MMP20: variants seen among roughly 807,000 people sequenced by gnomAD.
The protein encoded by MMP20 is matrix metallopeptidase 20, also known as matrix metalloproteinase-20.
MMP20 carries 50 observed loss-of-function variants against 51.8 expected under a neutral mutation model. That is an observed-to-expected ratio of 0.97 (90% confidence interval 0.77 to 1.22). MMP20 has a LOEUF of 1.22. MMP20 is among the 50% of genes most tolerant of loss of function. MMP20 has a pLI of 0.00. For synonymous variants in MMP20, 244 were observed against 216.2 expected (o/e 1.13, Z -1.13); for missense variants, 663 against 601.4 (o/e 1.10, Z -1.07).
chr11:102,606,740 T>C, intron 5 of MMP20, 64 bp from the exon 6 acceptor site: 1 of 1,585,616 alleles, frequency 6.3e-7, no homozygotes, highest in Non-Finnish European at 8.7e-7. Flanking sequence ...ACTTCTGCTC[T>C]AGAGCCCCAG....
intron 6 of MMP20, among the ~76,000 whole-genome samples, chr11:102,601,825 T>C (rs1859449382): frequency 6.6e-6 from 1 of 152,198 alleles, no homozygotes; most frequent in Non-Finnish European, 1.5e-5. Flanking sequence ...TTTCCATTGT[T>C]CTTCTCACCA....
intron 8 of MMP20, among the ~76,000 whole-genome samples, chr11:102,589,477 G>A (rs1859292088): frequency 6.6e-6 from 1 of 151,976 alleles, no homozygotes; most frequent in South Asian, 2.1e-4. Context: ...ATCTGTTGAG[G>A]GCATTAATAA....
At chr11:102,589,839 C>A (rs1859297245) in intron 8 of MMP20, among the ~76,000 whole-genome samples, 2 of 152,106 alleles carry the variant, frequency 1.3e-5, no homozygotes, top group African/African-American at 4.8e-5. Context: ...CCTATTTCAT[C>A]TTATTTTTAT....
intron 1 of MMP20, among the ~76,000 whole-genome samples, chr11:102,618,765 T>C (rs911448565): frequency 1.3e-5 from 2 of 152,328 alleles, no homozygotes; most frequent in Admixed American, 1.3e-4. Flanking sequence ...AAATTACAGA[T>C]GACTTAATTT....
chr11:102,623,884 A>G (rs926660458), intron 1 of MMP20, among the ~76,000 whole-genome samples: 5 of 152,228 alleles, frequency 3.3e-5, no homozygotes, highest in African/African-American at 1.2e-4. Flanking sequence ...ACATTTGGGA[A>G]GAAGGCACCT....
At chr11:102,583,016 T>C (rs1859214324) in intron 8 of MMP20, among the ~76,000 whole-genome samples, 2 of 152,206 alleles carry the variant, frequency 1.3e-5, no homozygotes, top group African/African-American at 2.4e-5. Flanking sequence ...TGCTCTTGAG[T>C]TCAAGACCTG....
At chr11:102,613,411 T>C (rs1166731353) in intron 2 of MMP20, among the ~76,000 whole-genome samples, 1 of 152,232 alleles carries the variant, frequency 6.6e-6, no homozygotes, top group East Asian at 1.9e-4. Flanking sequence ...GCCTTGCACA[T>C]AGCAGATGCT....
At position 102,611,923 on chromosome 11, in the gene MMP20, A is replaced by G; in HGVS notation, c.375-20T>C. 1.2e-6 allele frequency: 2 copies of G among 1,613,616 alleles called. No individual in the cohort carries two copies. The highest frequency in any genetic ancestry group is 1.7e-6 in the Non-Finnish European group (2 of 1,179,504). On this transcript the variant is annotated intron_variant, in intron 2 of 9. Transcript: ENST00000260228. ...GATATTCTGTGAAAACGGAAGGAAC[A>G]TGTTTTCTTTTCAGTAACTGCTCCG...
chr11:102,601,125 CTTTTT>C lies in MMP20; in HGVS notation c.953+5405_953+5409del, dbSNP rs1168517234. The stretch of plus-strand genomic sequence containing the variant: ...AAATGACCACGAAGTGTCGGCTATT[CTTTTT>C]TTTTTTTTTTTTTTTTTTTTGAGAC... On this transcript the variant is annotated intron_variant, in intron 6 of 9. Transcript: ENST00000260228. Among the ~76,000 whole-genome samples, 4 of 28,266 alleles carry C rather than the reference CTTTTT, an allele frequency of 1.4e-4. 1 individual carries two copies. The highest frequency in any genetic ancestry group is 2.4e-4 in the Non-Finnish European group (4 of 16,476). The allele number at this position is 28,266 out of a possible 152,430, so 18.5% of individuals were successfully genotyped here. A position where few individuals can be genotyped will look rare whatever the true frequency, so the allele number is the denominator to read the frequency against.
At chr11:102,599,423 G>T (rs1197285088) in intron 6 of MMP20, among the ~76,000 whole-genome samples, 2 of 152,186 alleles carry the variant, frequency 1.3e-5, no homozygotes, top group African/African-American at 4.8e-5. Context: ...TTTTATAACT[G>T]GCTGTGTGAC....
chr11:102,610,959 A>G (rs1349900616), intron 3 of MMP20, among the ~76,000 whole-genome samples: 1 of 152,104 alleles, frequency 6.6e-6, no homozygotes, highest in African/African-American at 2.4e-5. Flanking sequence ...TTGGCCTTCA[A>G]AGCTACCCCG....
chr11:102,591,664 C>A (rs377252937), intron 8 of MMP20, among the ~76,000 whole-genome samples: 1 of 152,158 alleles, frequency 6.6e-6, no homozygotes, highest in African/African-American at 2.4e-5. Context: ...ACCAACTTTT[C>A]GGTGAATCTA....
chr11:102,613,400 T>G (rs1314560664), intron 2 of MMP20, among the ~76,000 whole-genome samples: 3 of 152,200 alleles, frequency 2.0e-5, no homozygotes, highest in Non-Finnish European at 4.4e-5. Context: ...CCTAGTTTAG[T>G]GCCTTGCACA....
At chr11:102,597,776 CT>C (rs1320529485) in intron 6 of MMP20, among the ~76,000 whole-genome samples, 1 of 151,778 alleles carries the variant, frequency 6.6e-6, no homozygotes, top group Non-Finnish European at 1.5e-5. Context: ...CTTTTCTTTT[CT>C]TTTTTTTGAG....
At chr11:102,611,722 G>T (rs1226728511) in intron 3 of MMP20, 33 bp downstream of exon 3, 1 of 1,609,678 alleles carries the variant, frequency 6.2e-7, no homozygotes, top group Admixed American at 1.7e-5. Context: ...ACTCTCCTTT[G>T]AATTAGTAGA....
At chr11:102,591,714 C>T (rs565831275) in intron 8 of MMP20, among the ~76,000 whole-genome samples, 4 of 152,272 alleles carry the variant, frequency 2.6e-5, no homozygotes, top group African/African-American at 9.6e-5. Context: ...AGTAGACACT[C>T]ACAGAGGCCC....
chr11:102,618,871 T>C (rs1233074759), intron 1 of MMP20, among the ~76,000 whole-genome samples: 2 of 152,132 alleles, frequency 1.3e-5, no homozygotes, highest in Admixed American at 6.5e-5. Context: ...TCACTCATGT[T>C]TGGAGAGGGT....
In MMP20 at chr11:102,616,996, C is replaced by T. The variant is rs757096989; in HGVS notation, c.190G>A (p.Gly64Arg). The change falls in exon 2 of 10, where the codon GGA becomes AGA. Residue 64 changes from glycine to arginine, a missense_variant. By Grantham distance (125) the Gly-to-Arg change is moderately radical. Transcript: ENST00000260228. The stretch of plus-strand genomic sequence containing the variant: ...ATCTTCCTTATCATGGAATTGCTTC[C>T]TCTTGCAACCATCTCACCAATCTGG... ...GHQIGEMVARGSNSMIRKIKE... is the reference protein window; with the variant it reads ...GHQIGEMVARRSNSMIRKIKE... 1 of 1,614,126 alleles carries T rather than the reference C, an allele frequency of 6.2e-7. No individual in the cohort carries two copies. Among genetic ancestry groups the T allele is most frequent in the Non-Finnish European group, 8.5e-7 (1 of 1,180,008 alleles).
intron 6 of MMP20, among the ~76,000 whole-genome samples, chr11:102,604,502 A>G (rs1345974730): frequency 6.6e-6 from 1 of 152,188 alleles, no homozygotes; most frequent in African/African-American, 2.4e-5. Flanking sequence ...TCCCACTCTT[A>G]AGAATAGTAA....
Sources: gnomAD v4.1 joint callset for allele counts (sites outside exome capture counted in the v4.1 genomes callset) on GRCh38, gnomAD v4.1.1 for gene constraint, MANE v1.5 for transcripts, NCBI Gene and HGNC (gene_info 2026-07-23, HGNC 2026-07-21) for gene names.